Variants in TXNDC16 observed in about 807,000 individuals in gnomAD.
TXNDC16 encodes the protein thioredoxin domain containing 16, also known as thioredoxin domain-containing protein 16.
In TXNDC16, 74 loss-of-function variants were observed where a neutral mutation model predicts 85.6. That is an observed-to-expected ratio of 0.86 (90% CI 0.72 to 1.05). The LOEUF (loss-of-function observed/expected upper bound fraction) is 1.05, where lower values mean the gene tolerates loss of function less well. TXNDC16 is among the 50% of genes least tolerant of loss of function. The probability of loss-of-function intolerance (pLI) is 0.00; values close to 1 mark genes in which losing one functional copy is unlikely to be tolerated. For missense variants in TXNDC16, 959 were observed against 947.0 expected, an observed-to-expected ratio of 1.01 and a Z score of -0.17; for synonymous variants, 335 against 326.5, an observed-to-expected ratio of 1.03 and a Z score of -0.28.
At chr14:52,483,042 T>A (rs186199982) in intron 12 of TXNDC16, 77 bp from the exon 13 acceptor site, 11 of 1,230,184 alleles carry the variant, frequency 8.9e-6, no homozygotes, top group Non-Finnish European at 1.2e-5. Flanking sequence ...ATAGGAAGCA[T>A]ATAATAATTC....
rs1042766468 is a variant in TXNDC16 at position 52,544,366 on chromosome 14, T to A, written c.-176A>T. ...CAAGAAGTTTTCTACTGATGATCTA[T>A]GTTATCTACATTTAAAAGAAGAAAG... On this transcript the variant is annotated 5_prime_UTR_variant, in exon 2 of 21. Transcript: ENST00000281741. 13 of 152,078 alleles carry A rather than the reference T, an allele frequency of 8.5e-5. No homozygotes were observed. The highest frequency in any genetic ancestry group is 3.1e-4 in the African/African-American group (13 of 41,438). 9.4% of individuals were successfully genotyped at this position (152,078 alleles called of 1,614,324 possible). A position where few individuals can be genotyped will look rare whatever the true frequency, so the allele number is the denominator to read the frequency against.
intron 9 of TXNDC16, among the ~76,000 whole-genome samples, chr14:52,494,889 G>C (rs1340944650): frequency 6.6e-6 from 1 of 152,192 alleles, no homozygotes; most frequent in Non-Finnish European, 1.5e-5. Flanking sequence ...AATAGAAAAA[G>C]AACCAGTGGT....
chr14:52,496,638 A>ATTTTTT, intron 9 of TXNDC16, among the ~76,000 whole-genome samples: 1 of 142,230 alleles, frequency 7.0e-6, no homozygotes, highest in African/African-American at 2.6e-5. Context: ...ACAGAGTCTC[A>ATTTTTT]CTCTGTTGCC....
intron 6 of TXNDC16, among the ~76,000 whole-genome samples, chr14:52,527,358 G>A (rs1176973433): frequency 6.6e-6 from 1 of 152,166 alleles, no homozygotes; most frequent in Admixed American, 6.5e-5. Flanking sequence ...TACAGAGTTG[G>A]TGTGTGGAGA....
chr14:52,537,221 T>C (rs945398512), intron 5 of TXNDC16, among the ~76,000 whole-genome samples: 3 of 152,056 alleles, frequency 2.0e-5, no homozygotes, highest in African/African-American at 7.2e-5. Flanking sequence ...AAACCTCAGG[T>C]AGATCAAACC....
rs751619089 is a variant in TXNDC16 at position 52,543,406 on chromosome 14, C to A, written c.152G>T (p.Cys51Phe). The A allele has an allele frequency of 1.2e-6, 2 of 1,602,018 alleles. No homozygotes were observed. Among genetic ancestry groups the A allele is most frequent in the Non-Finnish European group, 1.7e-6 (2 of 1,176,590 alleles). ...QPGKASLAYF[C>F]QADSPRTSVF... ...ATTTTAAAAATACTTACCAGCTTGA[C>A]AAAAATAAGCTAAAGAGGCTTTTCC... is the stretch of plus-strand genomic sequence containing the variant. Residue 51 changes from cysteine (C) to phenylalanine (F), a missense_variant, in exon 3 of 21, where the codon TGT (cysteine) becomes TTT (phenylalanine). Coordinates refer to ENST00000281741, the MANE Select transcript of TXNDC16 (RefSeq NM_020784.3).
At chr14:52,504,078 C>T (rs2036729195) in intron 9 of TXNDC16, among the ~76,000 whole-genome samples, 1 of 152,092 alleles carries the variant, frequency 6.6e-6, no homozygotes, top group African/African-American at 2.4e-5. Context: ...CGTGAAAAGA[C>T]CAAATCTACG....
chr14:52,493,215 A>ATATATATATAT lies in TXNDC16; in HGVS notation c.757-2211_757-2210insATATATATATA, dbSNP rs761008122. The stretch of plus-strand genomic sequence containing the variant: ...GTTCTATATATATATATATATATAT[A>ATATATATATAT]TACACACACACACACACACATATTT... On this transcript the variant is annotated intron_variant, in intron 9 of 20. Coordinates refer to ENST00000281741, the MANE Select transcript of TXNDC16 (RefSeq NM_020784.3). Among the ~76,000 whole-genome samples, 87 of 121,016 alleles carry ATATATATATAT rather than the reference A, an allele frequency of 7.2e-4. 1 individual carries two copies. Among genetic ancestry groups the ATATATATATAT allele is most frequent in the African/African-American group, 2.2e-3 (74 of 33,144 alleles). The allele number at this position is 121,016 out of a possible 152,430, so 79.4% of individuals were successfully genotyped here.
chr14:52,504,434 G>C (rs2036741485), intron 9 of TXNDC16, among the ~76,000 whole-genome samples: 2 of 152,114 alleles, frequency 1.3e-5, no homozygotes. Flanking sequence ...TTAAAGAAAA[G>C]AATTTTCAAC....
chr14:52,490,064 A>T lies in TXNDC16; in HGVS notation c.984+327T>A, dbSNP rs376335536. Among the ~76,000 whole-genome samples the T allele has an allele frequency of 3.9e-5, 6 of 152,194 alleles. No individual in the cohort carries two copies. In the East Asian group the frequency reaches 1.2e-3, roughly 29 times the overall value. On this transcript the variant is annotated intron_variant, in intron 11 of 20. Transcript: ENST00000281741. ...GGCTGGTCTTGCACTCCTGGGCTCA[A>T]GCGATCCACCTGCCTCAGCCTCCCA...
intron 9 of TXNDC16, among the ~76,000 whole-genome samples, chr14:52,506,446 G>A (rs1430057023): frequency 6.9e-6 from 1 of 144,584 alleles, no homozygotes. Flanking sequence ...ACGTAATCCA[G>A]CATATAAACA....
chr14:52,519,140 C>G, intron 7 of TXNDC16, 32 bp downstream of exon 7: 2 of 1,594,776 alleles, frequency 1.3e-6, no homozygotes, highest in Non-Finnish European at 1.7e-6. Flanking sequence ...TACAGAGGCA[C>G]AGCAAAGATT....
chr14:52,434,389 A>G (rs1192360599), intron 20 of TXNDC16, among the ~76,000 whole-genome samples: 1 of 152,240 alleles, frequency 6.6e-6, no homozygotes, highest in African/African-American at 2.4e-5. Context: ...AACTGTAATA[A>G]TGTATGGGTA....
At chr14:52,510,016 A>C (rs2036919221) in intron 9 of TXNDC16, among the ~76,000 whole-genome samples, 1 of 152,060 alleles carries the variant, frequency 6.6e-6, no homozygotes, top group Admixed American at 6.6e-5. Flanking sequence ...CTAAGGAATA[A>C]AGCCCATAAA....
intron 14 of TXNDC16, among the ~76,000 whole-genome samples, chr14:52,481,864 A>T (rs1056652988): frequency 1.3e-5 from 2 of 152,128 alleles, no homozygotes; most frequent in Non-Finnish European, 2.9e-5. Context: ...AGACCATGAG[A>T]CTGGGTCTTG....
chr14:52,474,672 G>A (rs1162415486), intron 14 of TXNDC16, among the ~76,000 whole-genome samples: 2 of 151,928 alleles, frequency 1.3e-5, no homozygotes, highest in African/African-American at 4.8e-5. Context: ...GGAGGTTGCA[G>A]TGAGCTGAGA....
chr14:52,516,485 G>A lies in TXNDC16; in HGVS notation c.515-1515C>T, dbSNP rs182011218. Among the ~76,000 whole-genome samples the A allele has an allele frequency of 9.9e-5, 15 of 152,158 alleles. No individual in the cohort carries two copies. The East Asian group carries it at 1.7e-3, about 18-fold the overall frequency. On this transcript the variant is annotated intron_variant, in intron 7 of 20. Transcript: ENST00000281741. ...TATTCTCATTCTCAATCCTTGAACT[G>A]CAAACTCTTCTTTCCTCTCTGGAAG...
intron 6 of TXNDC16, among the ~76,000 whole-genome samples, chr14:52,529,859 TATA>T (rs1447900315): frequency 2.2e-4 from 23 of 105,454 alleles, no homozygotes; most frequent in African/African-American, 8.7e-4. Flanking sequence ...ACCTATTATA[TATA>T]ATATGATACC....
chr14:52,510,694 G>A (rs570433568), intron 9 of TXNDC16, among the ~76,000 whole-genome samples: 1 of 152,288 alleles, frequency 6.6e-6, no homozygotes, highest in East Asian at 1.9e-4. Flanking sequence ...ATCTACTAAA[G>A]ATTTTACATG....
Sources: gnomAD v4.1 joint callset for allele counts (sites outside exome capture counted in the v4.1 genomes callset) on GRCh38, gnomAD v4.1.1 for gene constraint, MANE v1.5 for transcripts, NCBI Gene and HGNC (gene_info 2026-07-23, HGNC 2026-07-21) for gene names.